ELF1: variants seen among roughly 807,000 people sequenced by gnomAD.
ELF1 encodes E74 like ETS transcription factor 1.
ELF1 carries 24 observed loss-of-function variants against 59.9 expected under a neutral mutation model. That is an observed-to-expected ratio of 0.40 (90% CI 0.29 to 0.56). The LOEUF is 0.56. ELF1 is among the 20% of genes least tolerant of loss of function. ELF1 has a pLI of 0.44. For synonymous variants in ELF1, 248 were observed against 266.2 expected, an observed-to-expected ratio of 0.93 and a Z score of 0.67; for missense variants, 627 against 742.2, an observed-to-expected ratio of 0.84 and a Z score of 1.80.
At chr13:40,945,626 A>G (rs892509541) in intron 5 of ELF1, among the ~76,000 whole-genome samples, 4 of 152,178 alleles carry the variant, frequency 2.6e-5, no homozygotes, top group African/African-American at 9.7e-5. Context: ...TGATTCTGGA[A>G]AATTCTTAGT....
At chr13:41,006,642 T>G (rs1191537010) in intron 1 of ELF1, among the ~76,000 whole-genome samples, 1 of 152,194 alleles carries the variant, frequency 6.6e-6, no homozygotes, top group Non-Finnish European at 1.5e-5. Context: ...ATATGCAAGT[T>G]TTTCTCTGAT....
At chr13:41,031,013 A>G (rs890121505) in intron 1 of ELF1, among the ~76,000 whole-genome samples, 1 of 151,430 alleles carries the variant, frequency 6.6e-6, no homozygotes, top group African/African-American at 2.4e-5. Flanking sequence ...AATAAAAGAA[A>G]TGAGCCAGGC....
chr13:40,984,093 A>G (rs1275470464), intron 1 of ELF1, among the ~76,000 whole-genome samples: 2 of 152,190 alleles, frequency 1.3e-5, no homozygotes, highest in Non-Finnish European at 2.9e-5. Context: ...CCTTAATTCA[A>G]CTGAATACAT....
At chr13:41,016,180 A>G (rs1875349002) in intron 1 of ELF1, among the ~76,000 whole-genome samples, 1 of 152,170 alleles carries the variant, frequency 6.6e-6, no homozygotes, top group South Asian at 2.1e-4. Context: ...ATTTAAGTTT[A>G]TGAAGATAAA....
rs114177947 is a variant in ELF1 at position 41,049,554 on chromosome 13, T to C, written c.-229+11284A>G. Reference sequence around the variant, plus strand: ...TGATACCTTGCAGCCTCATCTCCCATTGCATCTCACTTTCTACATGACAGC... The same window carrying C: ...TGATACCTTGCAGCCTCATCTCCCACTGCATCTCACTTTCTACATGACAGC... On this transcript the variant is annotated intron_variant, in intron 1 of 1. Coordinates refer to the ELF1 transcript ENST00000405737. Among the ~76,000 whole-genome samples the C allele has an allele frequency of 2.6e-3, 401 of 152,332 alleles. 2 individuals are homozygous for C. The highest frequency in any genetic ancestry group is 9.2e-3 in the African/African-American group (381 of 41,580).
intron 1 of ELF1, among the ~76,000 whole-genome samples, chr13:41,047,675 G>A (rs563117547): frequency 8.5e-5 from 13 of 152,340 alleles, no homozygotes; most frequent in Admixed American, 3.3e-4. Context: ...CGTGTGAGGT[G>A]TCAGTCTGCC....
chr13:41,000,953 A>T (rs1237334096), intron 1 of ELF1, among the ~76,000 whole-genome samples: 1 of 151,702 alleles, frequency 6.6e-6, no homozygotes, highest in Non-Finnish European at 1.5e-5. Flanking sequence ...TACCAATGAC[A>T]TTCTTCACAG....
At chr13:41,036,717 A>T (rs1876396257) in intron 1 of ELF1, among the ~76,000 whole-genome samples, 2 of 152,210 alleles carry the variant, frequency 1.3e-5, no homozygotes, top group Admixed American at 1.3e-4. Context: ...ATGTCCAACA[A>T]TGATAGACTG....
Position 40,959,036 on chromosome 13 carries a change from G to A in ELF1, c.73-20C>T. 2 of 1,568,086 alleles carry A rather than the reference G, an allele frequency of 1.3e-6. No homozygotes were observed. Among genetic ancestry groups the A allele is most frequent in the Non-Finnish European group, 1.7e-6 (2 of 1,158,982 alleles). Reference sequence around the variant, plus strand: ...ACCAAGCTGGGAAGGGTTAGGGAGAGGAAAATGAAAACAAAGGATTAACAC... The same window carrying A: ...ACCAAGCTGGGAAGGGTTAGGGAGAAGAAAATGAAAACAAAGGATTAACAC... On this transcript the variant is annotated intron_variant, in intron 2 of 8. Coordinates refer to ENST00000239882, the MANE Select transcript of ELF1 (RefSeq NM_172373.4).
chr13:40,972,003 A>C (rs979324602), intron 2 of ELF1, among the ~76,000 whole-genome samples: 15 of 152,184 alleles, frequency 9.9e-5, no homozygotes, highest in African/African-American at 3.6e-4. Flanking sequence ...TTTACTTACA[A>C]ACTAAGTAGA....
chr13:40,971,176 T>TA (rs961218189), intron 2 of ELF1, among the ~76,000 whole-genome samples: 1 of 152,198 alleles, frequency 6.6e-6, no homozygotes, highest in African/African-American at 2.4e-5. Flanking sequence ...AACGCTTGGA[T>TA]AAAAAATGTA....
chr13:41,049,884 T>C (rs902249252), intron 1 of ELF1, among the ~76,000 whole-genome samples: 1 of 152,214 alleles, frequency 6.6e-6, no homozygotes. Context: ...TCAGCTTTTA[T>C]CATTGTTTTA....
At chr13:41,054,008 C>CA (rs1220759566) in intron 1 of ELF1, among the ~76,000 whole-genome samples, 13 of 151,840 alleles carry the variant, frequency 8.6e-5, no homozygotes, top group African/African-American at 3.1e-4. Flanking sequence ...ATATATTTCT[C>CA]AAAAAATATA....
intron 2 of ELF1, among the ~76,000 whole-genome samples, chr13:40,963,205 T>C (rs940894727): frequency 3.9e-5 from 6 of 152,228 alleles, no homozygotes; most frequent in African/African-American, 1.4e-4. Flanking sequence ...AGGGTCCATG[T>C]CCTTTACTTA....
rs1219316708 is a variant in ELF1, at chr13:41,037,229, T to C, written c.-229+23609A>G. ...TACAATGTGCTAAGCGTTTTTAATGTTCTCAAGTTTCTATCTCCAAGTCTC... is the reference window on the plus strand; with the variant it reads ...TACAATGTGCTAAGCGTTTTTAATGCTCTCAAGTTTCTATCTCCAAGTCTC... On this transcript the variant is annotated intron_variant, in intron 1 of 1. Transcript: ENST00000405737. 2.6e-5 allele frequency among the ~76,000 whole-genome samples: 4 copies of C among 152,150 alleles called. No homozygotes were observed. In the East Asian group the frequency reaches 7.7e-4, roughly 29 times the overall value.
At chr13:41,051,718 G>A (rs998576485) in intron 1 of ELF1, among the ~76,000 whole-genome samples, 4 of 151,808 alleles carry the variant, frequency 2.6e-5, no homozygotes, top group Non-Finnish European at 5.9e-5. Flanking sequence ...TGACTCTCTG[G>A]ATCAAAAAGT....
At chr13:40,951,223 CA>C (rs1402952128) in intron 4 of ELF1, 105 bp downstream of exon 4, 7 of 935,144 alleles carry the variant, frequency 7.5e-6, no homozygotes, top group South Asian at 2.4e-5. Flanking sequence ...GTGATTGTAA[CA>C]AAAAATATAT....
In ELF1 at chr13:40,933,418, ATAT is replaced by A. The variant is rs1869536773; in HGVS notation, c.*4_*6del. 6.2e-7 allele frequency: 1 copy of A among 1,606,598 alleles called. No homozygotes were observed. Among genetic ancestry groups the A allele is most frequent in the African/African-American group, 1.3e-5 (1 of 74,394 alleles). ...CAAACAATTATTCATAAGCTTTGGT[ATAT>A]TAACTAAAAAGAGTTGGGTTCCAGC... On this transcript the variant is annotated 3_prime_UTR_variant, in exon 9 of 9. Coordinates refer to ENST00000239882, the MANE Select transcript of ELF1 (RefSeq NM_172373.4).
chr13:41,043,963 T>C (rs1876733140), intron 1 of ELF1, among the ~76,000 whole-genome samples: 1 of 152,246 alleles, frequency 6.6e-6, no homozygotes, highest in Non-Finnish European at 1.5e-5. Flanking sequence ...TTGTGTCCTC[T>C]TTTATTTCAT....
Sources: allele counts gnomAD v4.1 joint callset (sites outside exome capture counted in the v4.1 genomes callset), GRCh38; gene constraint gnomAD v4.1.1; transcripts MANE v1.5; gene names NCBI Gene and HGNC (gene_info 2026-07-23, HGNC 2026-07-21).